ATOSA: variants seen among roughly 807,000 people sequenced by gnomAD.
ATOSA encodes atos homolog A, also known as atos homolog protein A.
chr15:52,618,380 C>A, the ATOSA span, among the ~76,000 whole-genome samples: 2 of 152,044 alleles, frequency 1.3e-5, no homozygotes, highest in African/African-American at 4.8e-5. Flanking sequence ...CTTAAAACTA[C>A]TTTTTAAACA....
chr15:52,696,117 A>C, the ATOSA span, among the ~76,000 whole-genome samples: 1 of 152,302 alleles, frequency 6.6e-6, no homozygotes, highest in African/African-American at 2.4e-5. Context: ...TGTTGAAATT[A>C]GGTGATAGTG....
chr15:52,598,693 G>C, the ATOSA span: 1 of 152,072 alleles, frequency 6.6e-6, no homozygotes, highest in African/African-American at 2.4e-5. Context: ...TGCACAAATA[G>C]AATCGTCTGA....
chr15:52,709,570 C>T, the ATOSA span, among the ~76,000 whole-genome samples: 1 of 152,202 alleles, frequency 6.6e-6, no homozygotes, highest in African/African-American at 2.4e-5. Flanking sequence ...CACGCAGCTT[C>T]CACTTCATGC....
At chr15:52,664,465 A>G in the ATOSA span, among the ~76,000 whole-genome samples, 1 of 152,182 alleles carries the variant, frequency 6.6e-6, no homozygotes, top group Non-Finnish European at 1.5e-5. Flanking sequence ...AAACCTTGAG[A>G]AAAGAATTGC....
the ATOSA span, among the ~76,000 whole-genome samples, chr15:52,646,446 T>C: frequency 1.3e-5 from 2 of 152,220 alleles, no homozygotes; most frequent in Non-Finnish European, 2.9e-5. Context: ...AACTCAGAGA[T>C]GTGGCCTGTA....
At chr15:52,614,171 T>C in the ATOSA span, among the ~76,000 whole-genome samples, 1 of 152,104 alleles carries the variant, frequency 6.6e-6, no homozygotes. Flanking sequence ...AATGGCGCAA[T>C]CTCGGCTCAC....
chr15:52,637,833 C>T, the ATOSA span, among the ~76,000 whole-genome samples: 3 of 152,126 alleles, frequency 2.0e-5, no homozygotes, highest in African/African-American at 7.2e-5. Flanking sequence ...AGCTAATAAC[C>T]AGTGACTTCC....
chr15:52,675,912 A>G, the ATOSA span, among the ~76,000 whole-genome samples: 1 of 152,164 alleles, frequency 6.6e-6, no homozygotes, highest in African/African-American at 2.4e-5. Flanking sequence ...TCTCAAAAAA[A>G]AAAAAGAAAA....
chr15:52,594,956 C>T, the ATOSA span, among the ~76,000 whole-genome samples: 5 of 152,118 alleles, frequency 3.3e-5, no homozygotes, highest in Non-Finnish European at 7.4e-5. Context: ...TCCACCATGC[C>T]TCTCATTTCA....
the ATOSA span, among the ~76,000 whole-genome samples, chr15:52,625,146 T>C: frequency 1.3e-5 from 2 of 152,104 alleles, no homozygotes; most frequent in African/African-American, 4.8e-5. Context: ...CCTACTTTAC[T>C]TCCAGATAAG....
chr15:52,631,377 T>C, the ATOSA span, among the ~76,000 whole-genome samples: 2 of 152,172 alleles, frequency 1.3e-5, no homozygotes, highest in African/African-American at 4.8e-5. Context: ...TAGGTTACTT[T>C]AACTATCAAA....
At chr15:52,679,762 C>G in the ATOSA span, among the ~76,000 whole-genome samples, 1 of 10,582 alleles carries the variant, frequency 9.5e-5, no homozygotes, top group Admixed American at 8.1e-4. Flanking sequence ...TCGTCTCCTC[C>G]TCCTCCTCCT....
chr15:52,660,747 G>A, the ATOSA span, among the ~76,000 whole-genome samples: 1 of 152,134 alleles, frequency 6.6e-6, no homozygotes, highest in East Asian at 1.9e-4. Context: ...CGCCTCCCGG[G>A]TTCAAGCAAT....
At chr15:52,656,698 G>GCT in the ATOSA span, 1 of 152,042 alleles carries the variant, frequency 6.6e-6, no homozygotes, top group Non-Finnish European at 1.5e-5. Context: ...TATAAGCTAA[G>GCT]CTACTGGACA....
the ATOSA span, chr15:52,605,299 AAC>A: frequency 7.7e-7 from 1 of 1,303,324 alleles, no homozygotes; most frequent in Non-Finnish European, 1.1e-6. Flanking sequence ...CCATTTAAAG[AAC>A]TTGGACAGTG....
chr15:52,590,524 T>G, the ATOSA span, among the ~76,000 whole-genome samples: 1 of 152,238 alleles, frequency 6.6e-6, no homozygotes, highest in Non-Finnish European at 1.5e-5. Context: ...TTTACCCTTG[T>G]GAGTCATTTG....
At chr15:52,673,227 A>G in the ATOSA span, among the ~76,000 whole-genome samples, 1 of 152,262 alleles carries the variant, frequency 6.6e-6, no homozygotes, top group Non-Finnish European at 1.5e-5. Context: ...TATTGTAAAG[A>G]TAAAGCTGAG....
chr15:52,617,687 C>A, the ATOSA span, among the ~76,000 whole-genome samples: 1 of 150,926 alleles, frequency 6.6e-6, no homozygotes, highest in African/African-American at 2.4e-5. Flanking sequence ...TAGCTTCATA[C>A]AATGTAGCTT....
chr15:52,679,928 G>A, the ATOSA span, among the ~76,000 whole-genome samples: 2 of 151,352 alleles, frequency 1.3e-5, no homozygotes, highest in Non-Finnish European at 1.5e-5. Flanking sequence ...GGGACGGGGG[G>A]TGGGCAGCTA....
Sources: gnomAD v4.1 joint callset for allele counts (sites outside exome capture counted in the v4.1 genomes callset) on GRCh38, gnomAD v4.1.1 for gene constraint, MANE v1.5 for transcripts, NCBI Gene and HGNC (gene_info 2026-07-23, HGNC 2026-07-21) for gene names.